Variants in NEBL observed in about 807,000 individuals in gnomAD.
NEBL encodes the protein nebulette, also known as LIM and SH3 protein 2.
NEBL carries 122 observed loss-of-function variants against 140.2 expected under a neutral mutation model. The observed-to-expected ratio is 0.87, with a 90% CI of 0.75 to 1.01. The LOEUF (loss-of-function observed/expected upper bound fraction) is 1.01. NEBL is among the 50% of genes least tolerant of loss of function. The pLI is 0.00. For synonymous variants in NEBL, 436 were observed against 398.9 expected (o/e 1.09, Z -1.11); for missense variants, 1,365 against 1,231.3 (o/e 1.11, Z -1.62).
chr10:20,844,317 G>T (rs1841696578), intron 12 of NEBL, among the ~76,000 whole-genome samples: 2 of 151,578 alleles, frequency 1.3e-5, no homozygotes, highest in African/African-American at 4.8e-5. Flanking sequence ...AAAATGAAAT[G>T]AAATTTCATA....
At chr10:20,797,604 G>A (rs1019092490) in intron 26 of NEBL, among the ~76,000 whole-genome samples, 3 of 152,122 alleles carry the variant, frequency 2.0e-5, no homozygotes, top group Non-Finnish European at 2.9e-5. Context: ...GATTGTCTGC[G>A]TCTCAGAGGG....
chr10:20,836,157 G>A (rs1840869258), intron 13 of NEBL, among the ~76,000 whole-genome samples: 1 of 151,600 alleles, frequency 6.6e-6, no homozygotes, highest in South Asian at 2.1e-4. Flanking sequence ...AACAGTATGT[G>A]CTTACATGGT....
At chr10:21,264,637 G>C (rs991265061) in intron 1 of NEBL, among the ~76,000 whole-genome samples, 26 of 128,202 alleles carry the variant, frequency 2.0e-4, no homozygotes, top group East Asian at 1.5e-3. Context: ...TCATAGACCA[G>C]AGTATACTTT....
rs1011980411 is a variant in NEBL, at chr10:20,850,383, T to G, written c.1116+12A>C. On this transcript the variant is annotated intron_variant, in intron 11 of 27. Coordinates refer to ENST00000377122, the MANE Select transcript of NEBL (RefSeq NM_006393.3). ...TTACATTAAACAATTAGTAACAAAC[T>G]AATTGACCTACTTCACTTTGCATCT... The G allele has an allele frequency of 4.5e-6, 7 of 1,545,832 alleles. No individual in the cohort carries two copies. Among genetic ancestry groups the G allele is most frequent in the Admixed American group, 1.7e-5 (1 of 59,894 alleles).
rs556847384 is a variant in NEBL at position 20,789,955 on chromosome 10, A to G, written c.2762-2647T>C. ...TATGTGTATATATATATGTGTGTGTATATATATATATATACACACACACAC... is the reference window on the plus strand; with the variant it reads ...TATGTGTATATATATATGTGTGTGTGTATATATATATATACACACACACAC... On this transcript the variant is annotated intron_variant, in intron 26 of 27. Transcript: ENST00000377122. Among the ~76,000 whole-genome samples the G allele has an allele frequency of 5.3e-4, 78 of 147,872 alleles. No individual in the cohort carries two copies. The South Asian group carries it at 8.5e-3, about 16-fold the overall frequency.
chr10:21,051,181 C>T lies in NEBL; in HGVS notation c.165-30980G>A, dbSNP rs530561745. ...CAACCTGACTATGACCACATCATACCCCTTACACAAGAAGCCAATCAGAGC... is the reference window on the plus strand; with the variant it reads ...CAACCTGACTATGACCACATCATACTCCTTACACAAGAAGCCAATCAGAGC... On this transcript the variant is annotated intron_variant, in intron 2 of 6. Coordinates refer to the NEBL transcript ENST00000417816. Among the ~76,000 whole-genome samples the T allele has an allele frequency of 7.2e-5, 11 of 152,142 alleles. No individual in the cohort carries two copies. The South Asian group carries it at 8.3e-4, about 11-fold the overall frequency.
intron 1 of NEBL, among the ~76,000 whole-genome samples, chr10:21,282,738 C>G (rs1031497908): frequency 2.6e-5 from 4 of 152,118 alleles, no homozygotes; most frequent in African/African-American, 9.7e-5. Flanking sequence ...ACCTACTGGG[C>G]TGCATTCCCA....
chr10:21,185,005 T>C (rs542339666), intron 3 of NEBL, among the ~76,000 whole-genome samples: 2 of 152,188 alleles, frequency 1.3e-5, no homozygotes, highest in Non-Finnish European at 2.9e-5. Flanking sequence ...GTTTTGAAGA[T>C]TGCTATCTTA....
intron 2 of NEBL, among the ~76,000 whole-genome samples, chr10:21,092,604 A>C (rs1405194753): frequency 6.8e-6 from 1 of 148,098 alleles, no homozygotes. Context: ...AATAATAATA[A>C]TAATAATAAT....
intron 4 of NEBL, among the ~76,000 whole-genome samples, chr10:20,945,567 T>C (rs780539058): frequency 2.6e-5 from 4 of 152,314 alleles, no homozygotes; most frequent in African/African-American, 4.8e-5. Context: ...TCCCAGCACA[T>C]AAAGGAACAT....
At position 21,001,630 on chromosome 10, in the gene NEBL, C is replaced by CT. The variant is rs111608296; in HGVS notation, c.249+18486dup. On this transcript the variant is annotated intron_variant, in intron 3 of 6. Transcript: ENST00000417816. ...CCTTGGGAAGTCAATATACTCACAA[C>CT]TTTTTTTTTTTTTGTCTTTAGCCCA... 4.2e-3 allele frequency among the ~76,000 whole-genome samples: 605 copies of CT among 144,680 alleles called. 2 individuals carry two copies. The highest frequency in any genetic ancestry group is 0.016 in the East Asian group (82 of 4,992). 94.9% of individuals were successfully genotyped at this position (144,680 alleles called of 152,430 possible). A position where few individuals can be genotyped will look rare whatever the true frequency, so the allele number is the denominator to read the frequency against.
intron 3 of NEBL, among the ~76,000 whole-genome samples, chr10:21,205,120 A>G (rs921078851): frequency 6.6e-6 from 1 of 152,218 alleles, no homozygotes; most frequent in Non-Finnish European, 1.5e-5. Context: ...TATCAGTGTT[A>G]TCTGCATCTT....
Position 20,780,149 on chromosome 10 carries a change from G to A in NEBL, c.*5598C>T, listed in dbSNP as rs1045103314. The A allele has an allele frequency of 3.3e-5, 5 of 152,140 alleles. No homozygotes were observed. The highest frequency in any genetic ancestry group is 7.4e-5 in the Non-Finnish European group (5 of 68,020). The allele number at this position is 152,140 out of a possible 1,614,324, so 9.4% of individuals were successfully genotyped here. A position where few individuals can be genotyped will look rare whatever the true frequency, so the allele number is the denominator to read the frequency against. On this transcript the variant is annotated 3_prime_UTR_variant, in exon 28 of 28. Coordinates refer to ENST00000377122, the MANE Select transcript of NEBL (RefSeq NM_006393.3). ...TAGGGACTCACTTTTTCAATTATGG[G>A]AAGCGTAGTGGGGGGAGAAAAGCAA... is the stretch of plus-strand genomic sequence containing the variant.
intron 2 of NEBL, among the ~76,000 whole-genome samples, chr10:21,141,761 A>T (rs1839641199): frequency 6.6e-6 from 1 of 152,240 alleles, no homozygotes; most frequent in Non-Finnish European, 1.5e-5. Flanking sequence ...TATCTGAAGT[A>T]TGTTAATCTT....
chr10:21,234,090 AGGACTGGACT>A (rs146397626), intron 3 of NEBL, among the ~76,000 whole-genome samples: 7 of 139,760 alleles, frequency 5.0e-5, no homozygotes, highest in Middle Eastern at 4.0e-3. Flanking sequence ...TATTATTTTT[AGGACTGGACT>A]GGACTGGACT....
chr10:21,000,467 C>A (rs1250097736), intron 3 of NEBL, among the ~76,000 whole-genome samples: 3 of 152,124 alleles, frequency 2.0e-5, no homozygotes, highest in Non-Finnish European at 4.4e-5. Flanking sequence ...CCCATCTACA[C>A]AGGGTTGCAG....
intron 1 of NEBL, among the ~76,000 whole-genome samples, chr10:21,258,990 T>C (rs1323635160): frequency 6.6e-6 from 1 of 152,136 alleles, no homozygotes; most frequent in Non-Finnish European, 1.5e-5. Context: ...ACCCCCATTT[T>C]ACAGATGACG....
chr10:20,929,161 T>A (rs1834055910), intron 4 of NEBL, among the ~76,000 whole-genome samples: 1 of 152,042 alleles, frequency 6.6e-6, no homozygotes, highest in East Asian at 1.9e-4. Flanking sequence ...ATATCTGCAC[T>A]AGTATGCTTA....
At chr10:20,892,897 A>T (rs558496160) in intron 2 of NEBL, among the ~76,000 whole-genome samples, 32 of 152,334 alleles carry the variant, frequency 2.1e-4, no homozygotes, top group African/African-American at 7.2e-4. Flanking sequence ...CTGGAAGGAA[A>T]AACAATGGCT....
Sources: allele counts gnomAD v4.1 joint callset (sites outside exome capture counted in the v4.1 genomes callset), GRCh38; gene constraint gnomAD v4.1.1; transcripts MANE v1.5; gene names NCBI Gene and HGNC (gene_info 2026-07-23, HGNC 2026-07-21).